The following LMCD1 variants were observed in gnomAD, a reference collection of about 807,000 sequenced individuals.
The protein encoded by LMCD1 is LIM and cysteine-rich domains protein 1.
A neutral mutation model predicts 42.7 loss-of-function variants in LMCD1; 32 were observed. The observed-to-expected ratio is 0.75, with a 90% CI of 0.57 to 1.01. The LOEUF (loss-of-function observed/expected upper bound fraction) is 1.01. LMCD1 is among the 50% of genes least tolerant of loss of function. LMCD1 has a pLI of 0.00. For missense variants in LMCD1, 458 were observed against 483.1 expected, an observed-to-expected ratio of 0.95 and a Z score of 0.49; for synonymous variants, 178 against 184.9, an observed-to-expected ratio of 0.96 and a Z score of 0.30.
chr3:8,560,023 C>A (rs1345738843), intron 4 of LMCD1, among the ~76,000 whole-genome samples: 1 of 152,154 alleles, frequency 6.6e-6, no homozygotes, highest in African/African-American at 2.4e-5. Flanking sequence ...GCTCTGTGAA[C>A]AAGAATTTTC....
intron 4 of LMCD1, among the ~76,000 whole-genome samples, chr3:8,553,193 C>T (rs1209046373): frequency 6.6e-6 from 1 of 152,070 alleles, no homozygotes; most frequent in Non-Finnish European, 1.5e-5. Context: ...GCCCCACTTT[C>T]CCCTACACCC....
At chr3:8,563,744 C>T (rs1308291591) in intron 4 of LMCD1, among the ~76,000 whole-genome samples, 4 of 152,178 alleles carry the variant, frequency 2.6e-5, no homozygotes, top group Admixed American at 2.6e-4. Flanking sequence ...GGAGAAGAGT[C>T]ACTTTACAGT....
Position 8,567,354 on chromosome 3 carries a change from C to T in LMCD1, c.940-86C>T, listed in dbSNP as rs936517295. 3.6e-6 allele frequency: 5 copies of T among 1,371,372 alleles called. No homozygotes were observed. In the African/African-American group the frequency reaches 5.8e-5, roughly 16 times the overall value. 85.0% of individuals were successfully genotyped at this position (1,371,372 alleles called of 1,614,324 possible). On this transcript the variant is annotated intron_variant, in intron 5 of 5. Transcript: ENST00000157600. Reference sequence around the variant, plus strand: ...CAAAACAAGAATAGGATGGGATGAACCACCACCCTATAACTTGTCCTAGAT... The same window carrying T: ...CAAAACAAGAATAGGATGGGATGAATCACCACCCTATAACTTGTCCTAGAT...
At chr3:8,523,296 C>T (rs1202995392) in intron 1 of LMCD1, among the ~76,000 whole-genome samples, 1 of 152,130 alleles carries the variant, frequency 6.6e-6, no homozygotes, top group African/African-American at 2.4e-5. Flanking sequence ...ATAGGAATGC[C>T]CAAGGAGCAA....
chr3:8,561,090 A>G lies in LMCD1; in HGVS notation c.724-4342A>G, dbSNP rs556681002. 3.3e-5 allele frequency among the ~76,000 whole-genome samples: 5 copies of G among 152,354 alleles called. No homozygotes were observed. In the East Asian group the frequency reaches 9.6e-4, roughly 29 times the overall value. On this transcript the variant is annotated intron_variant, in intron 4 of 5. Coordinates refer to ENST00000157600, the MANE Select transcript of LMCD1 (RefSeq NM_014583.4). Reference sequence around the variant, plus strand: ...AGTATGTAATCAAAGTATATAAGTTAAGAATAGTAAGTGTGCAAACTCTTA... The same window carrying G: ...AGTATGTAATCAAAGTATATAAGTTGAGAATAGTAAGTGTGCAAACTCTTA...
chr3:8,543,669 G>A (rs1183039359), intron 3 of LMCD1, among the ~76,000 whole-genome samples: 1 of 152,044 alleles, frequency 6.6e-6, no homozygotes. Context: ...ATTTTGTAGA[G>A]ATGAGGTCTC....
Position 8,510,716 on chromosome 3 carries a change from A to G in LMCD1, c.42+8736A>G, listed in dbSNP as rs548452589. Reference sequence around the variant, plus strand: ...TGGCCATAATTATACCCACTGCTAGATCATATTCATTAACTTAGTAAAGGC... The same window carrying G: ...TGGCCATAATTATACCCACTGCTAGGTCATATTCATTAACTTAGTAAAGGC... On this transcript the variant is annotated intron_variant, in intron 1 of 5. Coordinates refer to ENST00000157600, the MANE Select transcript of LMCD1 (RefSeq NM_014583.4). Among the ~76,000 whole-genome samples the G allele has an allele frequency of 2.6e-5, 4 of 152,310 alleles. No homozygotes were observed. The South Asian group carries it at 8.3e-4, about 32-fold the overall frequency.
chr3:8,557,428 C>T (rs960492360), intron 4 of LMCD1, among the ~76,000 whole-genome samples: 7 of 152,178 alleles, frequency 4.6e-5, no homozygotes, highest in African/African-American at 7.2e-5. Flanking sequence ...GAGATTTCCA[C>T]GAGGCACTCT....
chr3:8,564,583 T>G (rs1441764292), intron 4 of LMCD1, among the ~76,000 whole-genome samples: 4 of 152,224 alleles, frequency 2.6e-5, no homozygotes, highest in Non-Finnish European at 4.4e-5. Context: ...AAAATATTAT[T>G]TATTAAATAT....
chr3:8,537,290 C>T lies in LMCD1; in HGVS notation c.237C>T (p.Ser79=). The T allele has an allele frequency of 6.2e-7, 1 of 1,614,158 alleles. No homozygotes were observed. Among genetic ancestry groups the T allele is most frequent in the Non-Finnish European group, 8.5e-7 (1 of 1,180,016 alleles). The change falls in exon 3 of 6, where the codon TCC becomes TCT. Residue 79 remains serine, a synonymous_variant. Transcript: ENST00000157600. ...IGRLLMDSKY[S]TLTARVKGGD... ...GCTTGCTGATGGACTCCAAGTATTCCACCCTCACTGCTCGGGTGAAAGGCG... is the reference window on the plus strand; with the variant it reads ...GCTTGCTGATGGACTCCAAGTATTCTACCCTCACTGCTCGGGTGAAAGGCG...
At chr3:8,563,147 A>C (rs1695069932) in intron 4 of LMCD1, among the ~76,000 whole-genome samples, 1 of 152,244 alleles carries the variant, frequency 6.6e-6, no homozygotes, top group South Asian at 2.1e-4. Flanking sequence ...ATGTGAAAGC[A>C]AGCATAGTTG....
intron 1 of LMCD1, among the ~76,000 whole-genome samples, chr3:8,502,382 ATATAT>A: frequency 1.0e-5 from 1 of 97,982 alleles, no homozygotes; most frequent in African/African-American, 4.2e-5. Flanking sequence ...TATATATAAT[ATATAT>A]TATATATAAA....
intron 1 of LMCD1, among the ~76,000 whole-genome samples, chr3:8,520,113 C>T (rs1349619283): frequency 3.3e-5 from 5 of 152,120 alleles, no homozygotes; most frequent in Non-Finnish European, 5.9e-5. Flanking sequence ...ATTAAAAATC[C>T]ACCAACTTGG....
intron 1 of LMCD1, among the ~76,000 whole-genome samples, chr3:8,507,769 G>A (rs1693911549): frequency 6.6e-6 from 1 of 152,172 alleles, no homozygotes; most frequent in African/African-American, 2.4e-5. Context: ...GACAGATTAA[G>A]AACTCAAACT....
In LMCD1 at chr3:8,537,328, G is replaced by A. The variant is rs368415168; in HGVS notation, c.275G>A (p.Arg92Gln). ...CGGGTGAAAGGCGGGGACGGCATCC[G>A]GATTTACAAGAGGAACCGGATGATC... Reference protein sequence around the residue: ...TARVKGGDGIRIYKRNRMIMT... With the variant: ...TARVKGGDGIQIYKRNRMIMT... The change falls in exon 3 of 6, where the codon CGG (arginine) becomes CAG (glutamine). Residue 92 changes from arginine to glutamine, a missense_variant. By Grantham distance (43) the Arg-to-Gln change is conservative. Transcript: ENST00000157600. 57 of 1,613,974 alleles carry A rather than the reference G, an allele frequency of 3.5e-5. No individual in the cohort carries two copies. The highest frequency in any genetic ancestry group is 2.8e-4 in the African/African-American group (21 of 74,896).
At chr3:8,558,916 A>T (rs1468246668) in intron 4 of LMCD1, among the ~76,000 whole-genome samples, 2 of 152,110 alleles carry the variant, frequency 1.3e-5, no homozygotes, top group East Asian at 1.9e-4. Context: ...CCCACCCCAG[A>T]TCTACTGTAT....
At chr3:8,525,131 A>C (rs1694276232) in intron 1 of LMCD1, among the ~76,000 whole-genome samples, 1 of 152,210 alleles carries the variant, frequency 6.6e-6, no homozygotes, top group Non-Finnish European at 1.5e-5. Flanking sequence ...TTTACATTAG[A>C]TCTCCAGAAC....
chr3:8,550,504 T>G, intron 4 of LMCD1: 1 of 985,092 alleles, frequency 1.0e-6, no homozygotes, highest in Non-Finnish European at 1.2e-6. Context: ...ATCCAAAACC[T>G]GCATCCTCCA....
chr3:8,505,443 AGGCCCAGAG>A (rs1440894730), intron 1 of LMCD1, among the ~76,000 whole-genome samples: 2 of 152,242 alleles, frequency 1.3e-5, no homozygotes, highest in African/African-American at 4.8e-5. Flanking sequence ...AAGGAAACTG[AGGCCCAGAG>A]GGATCAAGCT....
Sources: gnomAD v4.1 joint callset for allele counts (sites outside exome capture counted in the v4.1 genomes callset) on GRCh38, gnomAD v4.1.1 for gene constraint, MANE v1.5 for transcripts, NCBI Gene and HGNC (gene_info 2026-07-23, HGNC 2026-07-21) for gene names.